Variants in FGD4 observed in about 807,000 individuals in gnomAD.
The protein encoded by FGD4 is FYVE, RhoGEF and PH domain-containing protein 4.
A neutral mutation model predicts 102.0 loss-of-function variants in FGD4; 42 were observed. The ratio of observed to expected loss-of-function variants is 0.41; its 90% confidence interval spans 0.32 to 0.53. FGD4 has a LOEUF of 0.53. FGD4 is among the 20% of genes least tolerant of loss of function. The probability of loss-of-function intolerance (pLI) is 0.21; values close to 1 mark genes in which losing one functional copy is unlikely to be tolerated. For synonymous variants in FGD4, 380 were observed against 375.7 expected (o/e 1.01, Z -0.13); for missense variants, 902 against 1,078.2 (o/e 0.84, Z 2.29).
chr12:32,580,069 A>G (rs972680499), intron 3 of FGD4, among the ~76,000 whole-genome samples: 1 of 152,090 alleles, frequency 6.6e-6, no homozygotes, highest in African/African-American at 2.4e-5. Flanking sequence ...TTCTTCCTTC[A>G]TTTTGCCTAC....
At chr12:32,425,846 A>C (rs1941812106) in intron 1 of FGD4, among the ~76,000 whole-genome samples, 1 of 152,084 alleles carries the variant, frequency 6.6e-6, no homozygotes, top group Non-Finnish European at 1.5e-5. Context: ...TGTGAATGGG[A>C]ATTCACTCAT....
chr12:32,624,742 G>A, intron 12 of FGD4: 1 of 635,392 alleles, frequency 1.6e-6, no homozygotes, highest in Non-Finnish European at 2.8e-6. Context: ...CCAAAGTGCT[G>A]GGATTACAGG....
chr12:32,619,585 T>C (rs1420548914), intron 10 of FGD4, 113 bp from the exon 11 acceptor site: 4 of 1,204,582 alleles, frequency 3.3e-6, no homozygotes, highest in Non-Finnish European at 3.6e-6. Flanking sequence ...TGAGCCAAGG[T>C]CACACTATTA....
At chr12:32,594,376 G>A (rs1006891821) in intron 4 of FGD4, among the ~76,000 whole-genome samples, 1 of 152,126 alleles carries the variant, frequency 6.6e-6, no homozygotes, top group South Asian at 2.1e-4. Flanking sequence ...ATGATCTGTC[G>A]CTGTCTCCCA....
At chr12:32,491,353 G>C (rs1038586297) in intron 1 of FGD4, among the ~76,000 whole-genome samples, 1 of 152,074 alleles carries the variant, frequency 6.6e-6, no homozygotes, top group Non-Finnish European at 1.5e-5. Flanking sequence ...CCCAGCCCAG[G>C]AACCACACTT....
chr12:32,631,338 A>C (rs1950487489), intron 14 of FGD4, among the ~76,000 whole-genome samples: 1 of 152,138 alleles, frequency 6.6e-6, no homozygotes, highest in Non-Finnish European at 1.5e-5. Context: ...GGAGACACAG[A>C]AAACAGTAGG....
chr12:32,483,136 G>A (rs1173436946), intron 1 of FGD4, among the ~76,000 whole-genome samples: 1 of 152,168 alleles, frequency 6.6e-6, no homozygotes, highest in Non-Finnish European at 1.5e-5. Context: ...GTGTGTGTGT[G>A]GGTAGAATAC....
At chr12:32,595,772 A>G (rs1280418896) in intron 4 of FGD4, among the ~76,000 whole-genome samples, 1 of 152,212 alleles carries the variant, frequency 6.6e-6, no homozygotes, top group Non-Finnish European at 1.5e-5. Flanking sequence ...TTAAATCCAA[A>G]CTTTGACTAA....
chr12:32,536,147 C>T (rs994785953), intron 1 of FGD4, among the ~76,000 whole-genome samples: 3 of 151,834 alleles, frequency 2.0e-5, no homozygotes, highest in Non-Finnish European at 2.9e-5. Flanking sequence ...AGGCAAACTC[C>T]TTTCACATGA....
At chr12:32,507,995 T>G (rs1369063676) in intron 1 of FGD4, among the ~76,000 whole-genome samples, 1 of 152,198 alleles carries the variant, frequency 6.6e-6, no homozygotes, top group Non-Finnish European at 1.5e-5. Flanking sequence ...ACTCTGCCCT[T>G]GCTAGATTCT....
intron 1 of FGD4, among the ~76,000 whole-genome samples, chr12:32,455,076 C>CA (rs1397593423): frequency 5.3e-5 from 8 of 152,130 alleles, no homozygotes; most frequent in Non-Finnish European, 7.4e-5. Context: ...TATACAAACA[C>CA]AATGAAGCAG....
At chr12:32,466,058 G>A (rs747228096) in intron 1 of FGD4, among the ~76,000 whole-genome samples, 6 of 152,262 alleles carry the variant, frequency 3.9e-5, no homozygotes, top group South Asian at 2.1e-4. Flanking sequence ...GATTATAGGC[G>A]TGAGCTACTG....
At chr12:32,454,968 G>T (rs78979087) in intron 1 of FGD4, among the ~76,000 whole-genome samples, 5,781 of 152,212 alleles carry the variant, frequency 0.038, 169 homozygotes, top group South Asian at 0.12. Context: ...ACTTAGAATG[G>T]TTCTTTGTGC....
intron 1 of FGD4, among the ~76,000 whole-genome samples, chr12:32,494,017 G>T (rs1937630779): frequency 6.6e-6 from 1 of 152,164 alleles, no homozygotes. Flanking sequence ...AGGGTCTGAG[G>T]CAGGAATGAG....
intron 1 of FGD4, among the ~76,000 whole-genome samples, chr12:32,474,567 C>T (rs1004467139): frequency 2.6e-5 from 4 of 152,092 alleles, no homozygotes; most frequent in Admixed American, 2.0e-4. Context: ...ATTAGCGTTG[C>T]TTAGGCTGGG....
intron 1 of FGD4, among the ~76,000 whole-genome samples, chr12:32,515,632 C>T (rs1224593501): frequency 6.6e-6 from 1 of 152,230 alleles, no homozygotes; most frequent in Non-Finnish European, 1.5e-5. Flanking sequence ...GCCTGCCCCT[C>T]CTGTTCTTTT....
rs1188650576 is a variant in FGD4 at position 32,526,424 on chromosome 12, G to A, written c.167-37713G>A. Among the ~76,000 whole-genome samples the A allele has an allele frequency of 2.6e-5, 4 of 152,296 alleles. No homozygotes were observed. The East Asian group carries it at 5.8e-4, about 22-fold the overall frequency. ...ACACTCTGTATCTAGCTGCTCTAGTGGGGCCTTGGAGAACCTGGGTGTGGA... is the reference window on the plus strand; with the variant it reads ...ACACTCTGTATCTAGCTGCTCTAGTAGGGCCTTGGAGAACCTGGGTGTGGA... On this transcript the variant is annotated intron_variant, in intron 1 of 16. Coordinates refer to ENST00000534526, the MANE Select transcript of FGD4 (RefSeq NM_001370298.3).
intron 1 of FGD4, among the ~76,000 whole-genome samples, chr12:32,412,447 G>A (rs1941244919): frequency 6.6e-6 from 1 of 152,092 alleles, no homozygotes; most frequent in Non-Finnish European, 1.5e-5. Context: ...TGTGTTTTGG[G>A]GTGGAAATTC....
At chr12:32,401,576 T>G (rs1940663465) in intron 1 of FGD4, among the ~76,000 whole-genome samples, 1 of 152,070 alleles carries the variant, frequency 6.6e-6, no homozygotes, top group Non-Finnish European at 1.5e-5. Context: ...TTCTTTATTC[T>G]ATCATTTTAC....
Sources: allele counts gnomAD v4.1 joint callset (sites outside exome capture counted in the v4.1 genomes callset), GRCh38; gene constraint gnomAD v4.1.1; transcripts MANE v1.5; gene names NCBI Gene and HGNC (gene_info 2026-07-23, HGNC 2026-07-21).